DPH6: variants seen among roughly 807,000 people sequenced by gnomAD.
DPH6 encodes the protein diphthine--ammonia ligase.
DPH6 carries 33 observed loss-of-function variants against 38.2 expected under a neutral mutation model. The observed-to-expected ratio is 0.86, with a 90% CI of 0.65 to 1.15. The LOEUF (loss-of-function observed/expected upper bound fraction) is 1.15. Ranked by LOEUF, DPH6 falls within the 50% of genes most tolerant of loss-of-function variation. The pLI is 0.00. For synonymous variants in DPH6, 108 were observed against 103.0 expected (o/e 1.05, Z -0.30); for missense variants, 325 against 320.0 (o/e 1.02, Z -0.12).
intron 3 of DPH6, among the ~76,000 whole-genome samples, chr15:35,313,165 A>C (rs1328302445): frequency 6.6e-6 from 1 of 152,064 alleles, no homozygotes; most frequent in African/African-American, 2.4e-5. Context: ...CCTAGGAGGC[A>C]GAGGCTACAG....
At chr15:35,369,513 G>A (rs2052691261), downstream of DPH6, among the ~76,000 whole-genome samples, 1 of 151,150 alleles carries the variant, frequency 6.6e-6, no homozygotes, top group African/African-American at 2.4e-5. Context: ...GTTAGTTTAG[G>A]AGTAAAGCTG....
At position 35,524,384 on chromosome 15, in the gene DPH6, C is replaced by G. The variant is rs79727722; in HGVS notation, c.312+13890G>C. ...GAGAGCTCTGAAACAAGATCAGACA[C>G]AGACAGATCACTTTGATCCCTGACT... On this transcript the variant is annotated intron_variant, in intron 3 of 8. Coordinates refer to ENST00000256538, the MANE Select transcript of DPH6 (RefSeq NM_080650.4). Among the ~76,000 whole-genome samples the G allele has an allele frequency of 7.8e-4, 118 of 152,250 alleles. 1 individual carries two copies. In the East Asian group the frequency reaches 0.021, roughly 27 times the overall value.
intron 6 of DPH6, among the ~76,000 whole-genome samples, chr15:35,389,023 G>C (rs2053013990): frequency 6.6e-6 from 1 of 152,130 alleles, no homozygotes; most frequent in African/African-American, 2.4e-5. Context: ...ATGTGTCCCA[G>C]AGATTCTGGT....
chr15:35,304,802 A>T (rs190314607), intron 3 of DPH6, among the ~76,000 whole-genome samples: 1 of 152,152 alleles, frequency 6.6e-6, no homozygotes, highest in Non-Finnish European at 1.5e-5. Flanking sequence ...GTAAAAAAAA[A>T]AAAACAAAAC....
intron 3 of DPH6, among the ~76,000 whole-genome samples, chr15:35,279,525 G>A (rs2051884576): frequency 6.6e-6 from 1 of 151,956 alleles, no homozygotes; most frequent in Non-Finnish European, 1.5e-5. Context: ...TAATAGCTTG[G>A]TGCTGTCCTC....
At chr15:35,524,475 C>A (rs1022136019) in intron 3 of DPH6, among the ~76,000 whole-genome samples, 5 of 152,102 alleles carry the variant, frequency 3.3e-5, no homozygotes, top group African/African-American at 4.8e-5. Flanking sequence ...TTTACACATA[C>A]CTTATTGGTT....
chr15:35,285,011 T>C (rs2051931074), intron 3 of DPH6, among the ~76,000 whole-genome samples: 1 of 151,830 alleles, frequency 6.6e-6, no homozygotes, highest in African/African-American at 2.4e-5. Flanking sequence ...GGTCTTGCTA[T>C]GTTACGCAGG....
Position 35,299,244 on chromosome 15 carries a change from A to G in DPH6, n.200+74277T>C, listed in dbSNP as rs1216996229. On this transcript the variant is annotated intron_variant and non_coding_transcript_variant, in intron 3 of 3. Transcript: ENST00000560386. ...TGGCACATGCGGTGGTGTGTCCACA[A>G]TTTGCCCGGTCATCTGAGGAGCCAC... 31 of 1,139,912 alleles carry G rather than the reference A, an allele frequency of 2.7e-5. No homozygotes were observed. In the Middle Eastern group the frequency reaches 8.9e-4, roughly 33 times the overall value. The allele number at this position is 1,139,912 out of a possible 1,614,324, so 70.6% of individuals were successfully genotyped here.
chr15:35,389,541 T>C (rs1049350588), intron 6 of DPH6, among the ~76,000 whole-genome samples: 1 of 152,210 alleles, frequency 6.6e-6, no homozygotes, highest in Non-Finnish European at 1.5e-5. Flanking sequence ...TGGGTGCATA[T>C]ATATTTAGGA....
intron 7 of DPH6, among the ~76,000 whole-genome samples, chr15:35,377,181 G>C (rs376997586): frequency 6.6e-6 from 1 of 152,104 alleles, no homozygotes. Flanking sequence ...TTTGAAACAC[G>C]GCATTACGGT....
At chr15:35,165,773 G>C in the DPH6 span, among the ~76,000 whole-genome samples, 3 of 152,048 alleles carry the variant, frequency 2.0e-5, no homozygotes, top group Non-Finnish European at 4.4e-5. Context: ...TACTTCGCCA[G>C]CTAATCTTAG....
intron 3 of DPH6, among the ~76,000 whole-genome samples, chr15:35,517,966 T>C (rs1051756134): frequency 1.3e-5 from 2 of 152,108 alleles, no homozygotes; most frequent in Admixed American, 6.5e-5. Context: ...TGATGAATTA[T>C]GCCAGAAGTA....
At chr15:35,386,102 G>T (rs536066631) in intron 6 of DPH6, among the ~76,000 whole-genome samples, 138 of 152,120 alleles carry the variant, frequency 9.1e-4, no homozygotes, top group African/African-American at 3.2e-3. Context: ...ATGGTGTTTG[G>T]TTTTTTGTCC....
At chr15:35,424,872 A>G (rs1284356220) in intron 5 of DPH6, among the ~76,000 whole-genome samples, 1 of 151,680 alleles carries the variant, frequency 6.6e-6, no homozygotes, top group African/African-American at 2.4e-5. Flanking sequence ...AAATTAATAG[A>G]AAAAGCTGTC....
chr15:35,182,220 ATTTTTTTTTTTTTTTTTTT>A, the DPH6 span, among the ~76,000 whole-genome samples: 7,616 of 86,236 alleles, frequency 0.088, 810 homozygotes, highest in African/African-American at 0.28. Context: ...AACTCTAAGA[ATTTTTTTTTTTTTTTTTTT>A]TTTTTTTTTT....
chr15:35,238,673 T>C (rs959372120), intron 3 of DPH6, among the ~76,000 whole-genome samples: 16 of 152,330 alleles, frequency 1.1e-4, no homozygotes, highest in African/African-American at 3.6e-4. Context: ...TCCCCTGTGA[T>C]TTGCACATAC....
chr15:35,148,657 T>C, the DPH6 span, among the ~76,000 whole-genome samples: 1 of 152,194 alleles, frequency 6.6e-6, no homozygotes, highest in Admixed American at 6.5e-5. Flanking sequence ...ATTATTTCCA[T>C]AGACCCGGAG....
intron 3 of DPH6, among the ~76,000 whole-genome samples, chr15:35,322,457 A>G (rs1480067167): frequency 6.6e-6 from 1 of 152,240 alleles, no homozygotes; most frequent in Non-Finnish European, 1.5e-5. Context: ...AATGGAGTCA[A>G]CTATGTCAGA....
intron 3 of DPH6, among the ~76,000 whole-genome samples, chr15:35,321,390 A>G (rs1228470240): frequency 6.6e-6 from 1 of 152,234 alleles, no homozygotes; most frequent in African/African-American, 2.4e-5. Flanking sequence ...AATAGAATAC[A>G]TAGGAGTAAA....
Sources: allele counts gnomAD v4.1 joint callset (sites outside exome capture counted in the v4.1 genomes callset), GRCh38; gene constraint gnomAD v4.1.1; transcripts MANE v1.5; gene names NCBI Gene and HGNC (gene_info 2026-07-23, HGNC 2026-07-21).